DPYSL2: variants seen among roughly 807,000 people sequenced by gnomAD.
DPYSL2 encodes dihydropyrimidinase-related protein 2.
DPYSL2 carries 13 observed loss-of-function variants against 69.9 expected under a neutral mutation model. The ratio of observed to expected loss-of-function variants is 0.19; its 90% CI spans 0.12 to 0.30. DPYSL2 has a LOEUF of 0.30. DPYSL2 is among the 10% of genes least tolerant of loss of function. The pLI is 1.00. For missense variants in DPYSL2, 587 were observed against 918.9 expected (o/e 0.64, Z 4.67); for synonymous variants, 326 against 359.1 (o/e 0.91, Z 1.04).
Position 26,580,338 on chromosome 8 carries a change from A to G in DPYSL2, c.355-1631A>G, listed in dbSNP as rs1344710915. 1.3e-5 allele frequency among the ~76,000 whole-genome samples: 2 copies of G among 152,134 alleles called. No homozygotes were observed. The highest frequency in any genetic ancestry group is 4.8e-5 in the African/African-American group (2 of 41,422). Reference sequence around the variant, plus strand: ...AACCTCTCTGAGCCTCAGTTTCCTTATGTGTCATGGGAATAGAACCTGGCC... The same window carrying G: ...AACCTCTCTGAGCCTCAGTTTCCTTGTGTGTCATGGGAATAGAACCTGGCC... On this transcript the variant is annotated intron_variant, in intron 1 of 13. Coordinates refer to ENST00000521913, the MANE Select transcript of DPYSL2 (RefSeq NM_001197293.3). The surrounding 1 kb of genome is among the most constrained non-coding windows in gnomAD (Gnocchi z 4.1).
chr8:26,645,813 G>A (rs913499686), intron 10 of DPYSL2, among the ~76,000 whole-genome samples: 28 of 152,138 alleles, frequency 1.8e-4, no homozygotes, highest in African/African-American at 6.7e-4. Context: ...ACCTCCCAAA[G>A]TGCTGGCATT....
chr8:26,571,182 T>C lies in DPYSL2; in HGVS notation c.355-10787T>C, dbSNP rs886743090. ...GTCCATGTTTTCCTCCTTCTATAAATAGAGGGTGGAGTGGGCTGGATCTGT... is the reference window on the plus strand; with the variant it reads ...GTCCATGTTTTCCTCCTTCTATAAACAGAGGGTGGAGTGGGCTGGATCTGT... On this transcript the variant is annotated intron_variant, in intron 1 of 13. Transcript: ENST00000521913. This position sits in a 1 kb window ranked among gnomAD's most constrained non-coding sequence, Gnocchi z 6.1. Among the ~76,000 whole-genome samples the C allele has an allele frequency of 6.6e-6, 1 of 152,076 alleles. No homozygotes were observed. Among genetic ancestry groups the C allele is most frequent in the African/African-American group, 2.4e-5 (1 of 41,414 alleles).
chr8:26,576,501 T>C (rs557283412), intron 1 of DPYSL2, among the ~76,000 whole-genome samples: 1 of 151,846 alleles, frequency 6.6e-6, no homozygotes, highest in African/African-American at 2.4e-5. Context: ...CCCACGGGGG[T>C]TGGCCTCGGT....
chr8:26,579,960 C>T (rs1433441185), intron 1 of DPYSL2, among the ~76,000 whole-genome samples: 1 of 148,800 alleles, frequency 6.7e-6, no homozygotes, highest in African/African-American at 2.5e-5. Context: ...GAGCGCCCCC[C>T]CCCCCACACC....
chr8:26,631,239 A>G (rs1299869267), intron 7 of DPYSL2, among the ~76,000 whole-genome samples: 3 of 152,206 alleles, frequency 2.0e-5, no homozygotes, highest in Non-Finnish European at 2.9e-5. Context: ...TTATAAAGAA[A>G]AGAGATTTAA....
In DPYSL2 at chr8:26,593,825, C is replaced by A. The variant is rs1438518651; in HGVS notation, c.628+9842C>A. 6.6e-6 allele frequency among the ~76,000 whole-genome samples: 1 copy of A among 152,170 alleles called. No homozygotes were observed. The highest frequency in any genetic ancestry group is 1.9e-4 in the East Asian group (1 of 5,190). On this transcript the variant is annotated intron_variant, in intron 3 of 13. Coordinates refer to ENST00000521913, the MANE Select transcript of DPYSL2 (RefSeq NM_001197293.3). This position sits in a 1 kb window ranked among gnomAD's most constrained non-coding sequence, Gnocchi z 5.7. The stretch of plus-strand genomic sequence containing the variant: ...TGCTGGTTTCCCTGAGAAAACCCTA[C>A]TGTCTTTAGGTTGAATCTGTAGTGT...
intron 1 of DPYSL2, among the ~76,000 whole-genome samples, chr8:26,531,078 A>C (rs1454200963): frequency 1.4e-5 from 2 of 139,530 alleles, no homozygotes; most frequent in African/African-American, 2.6e-5. Context: ...AAAAAAAAAA[A>C]GGTGATGAGG....
chr8:26,540,904 C>CAAAA (rs56376341), intron 1 of DPYSL2, among the ~76,000 whole-genome samples: 3 of 102,712 alleles, frequency 2.9e-5, no homozygotes, highest in Non-Finnish European at 3.8e-5. Context: ...GACTCTGTCT[C>CAAAA]AAAAAAAAAA....
Position 26,654,046 on chromosome 8 carries a change from A to G in DPYSL2, c.1942+649A>G, listed in dbSNP as rs1803332591. 6.6e-6 allele frequency among the ~76,000 whole-genome samples: 1 copy of G among 152,188 alleles called. No homozygotes were observed. Among genetic ancestry groups the G allele is most frequent in the Non-Finnish European group, 1.5e-5 (1 of 68,036 alleles). ...CAGGACTTCTCTTCTCTCCTACAGTATATTGTAGTTTAGCTTGTGGAGTTT... is the reference window on the plus strand; with the variant it reads ...CAGGACTTCTCTTCTCTCCTACAGTGTATTGTAGTTTAGCTTGTGGAGTTT... On this transcript the variant is annotated intron_variant, in intron 13 of 13. Coordinates refer to ENST00000521913, the MANE Select transcript of DPYSL2 (RefSeq NM_001197293.3). This position sits in a 1 kb window ranked among gnomAD's most constrained non-coding sequence, Gnocchi z 5.0.
chr8:26,581,054 C>A (rs1801481692), intron 1 of DPYSL2, among the ~76,000 whole-genome samples: 1 of 152,194 alleles, frequency 6.6e-6, no homozygotes, highest in South Asian at 2.1e-4. Flanking sequence ...GATACTTATT[C>A]GTGGGAGTTT....
rs1801521099 is a variant in DPYSL2, at chr8:26,582,968, A to G, written c.444-831A>G. On this transcript the variant is annotated intron_variant, in intron 2 of 13. Transcript: ENST00000521913. The surrounding 1 kb of genome is among the most constrained non-coding windows in gnomAD (Gnocchi z 4.1). ...CATGTGTGTTTGCTGTGACAGTCTC[A>G]GCTCCAGGCTCTCAAATGCCATGAC... 6.6e-6 allele frequency among the ~76,000 whole-genome samples: 1 copy of G among 152,178 alleles called. No individual in the cohort carries two copies. The highest frequency in any genetic ancestry group is 2.1e-4 in the South Asian group (1 of 4,836).
chr8:26,585,381 T>C lies in DPYSL2; in HGVS notation c.628+1398T>C, dbSNP rs1243901293. Among the ~76,000 whole-genome samples the C allele has an allele frequency of 6.6e-6, 1 of 151,942 alleles. No individual in the cohort carries two copies. The highest frequency in any genetic ancestry group is 1.5e-5 in the Non-Finnish European group (1 of 67,978). Reference sequence around the variant, plus strand: ...GTTGCCCCGCATTTTAAATCACAACTCATCCTCTGGCGTTCTCTCTGTCCT... The same window carrying C: ...GTTGCCCCGCATTTTAAATCACAACCCATCCTCTGGCGTTCTCTCTGTCCT... On this transcript the variant is annotated intron_variant, in intron 3 of 13. Transcript: ENST00000521913. The surrounding 1 kb of genome is among the most constrained non-coding windows in gnomAD (Gnocchi z 4.0).
intron 1 of DPYSL2, among the ~76,000 whole-genome samples, chr8:26,563,420 T>C (rs1489716800): frequency 6.6e-6 from 1 of 152,228 alleles, no homozygotes; most frequent in Non-Finnish European, 1.5e-5. Context: ...AAAATTGAAT[T>C]GAAGCCCCAA....
intron 7 of DPYSL2, among the ~76,000 whole-genome samples, chr8:26,633,809 C>T (rs975331526): frequency 6.6e-6 from 1 of 152,228 alleles, no homozygotes; most frequent in South Asian, 2.1e-4. Flanking sequence ...ATTATTTACT[C>T]AAGCAGTTCT....
chr8:26,641,732 G>T lies in DPYSL2; in HGVS notation c.1127-1707G>T, dbSNP rs1439093658. 6.6e-6 allele frequency among the ~76,000 whole-genome samples: 1 copy of T among 152,206 alleles called. No homozygotes were observed. The highest frequency in any genetic ancestry group is 1.5e-5 in the Non-Finnish European group (1 of 68,044). On this transcript the variant is annotated intron_variant, in intron 8 of 13. Transcript: ENST00000521913. This position sits in a 1 kb window ranked among gnomAD's most constrained non-coding sequence, Gnocchi z 4.1. ...TCCTTGGGGCTTCCTTCTGGAGGAG[G>T]TTTCCCTGGGTTTGGAGTCCTCCCT...
intron 1 of DPYSL2, among the ~76,000 whole-genome samples, chr8:26,540,478 G>A (rs1324773230): frequency 1.3e-5 from 2 of 152,226 alleles, no homozygotes; most frequent in African/African-American, 4.8e-5. Flanking sequence ...TCCACAGATT[G>A]TTGGAGGGAA....
Position 26,560,208 on chromosome 8 carries a change from G to A in DPYSL2, c.355-21761G>A, listed in dbSNP as rs1438065347. ...CAGCTCACTCTGCCTGAACCTGGGT[G>A]GCAGGGGCTGCATGTTTAGAACTTT... On this transcript the variant is annotated intron_variant, in intron 1 of 13. Transcript: ENST00000521913. This position sits in a 1 kb window ranked among gnomAD's most constrained non-coding sequence, Gnocchi z 4.4. Among the ~76,000 whole-genome samples the A allele has an allele frequency of 6.6e-6, 1 of 152,164 alleles. No individual in the cohort carries two copies. The highest frequency in any genetic ancestry group is 1.5e-5 in the Non-Finnish European group (1 of 68,026).
rs1381685073 is a variant in DPYSL2, at chr8:26,656,792, G to A, written c.*1086G>A. 3 of 152,764 alleles carry A rather than the reference G, an allele frequency of 2.0e-5. No individual in the cohort carries two copies. The highest frequency in any genetic ancestry group is 7.2e-5 in the African/African-American group (3 of 41,450). 9.5% of individuals were successfully genotyped at this position (152,764 alleles called of 1,614,324 possible). A position where few individuals can be genotyped will look rare whatever the true frequency, so the allele number is the denominator to read the frequency against. On this transcript the variant is annotated 3_prime_UTR_variant, in exon 14 of 14. Coordinates refer to ENST00000521913, the MANE Select transcript of DPYSL2 (RefSeq NM_001197293.3). ...AATGGGCCATGCCGTCTCACCCACA[G>A]TATCACACGTGGAACCGCAGACAGG...
chr8:26,589,797 G>A (rs898027977), intron 3 of DPYSL2, among the ~76,000 whole-genome samples: 2 of 152,256 alleles, frequency 1.3e-5, no homozygotes, highest in Non-Finnish European at 2.9e-5. Context: ...GTCCTCTTGC[G>A]AGAAAGCCTG....
Sources: allele counts gnomAD v4.1 joint callset (sites outside exome capture counted in the v4.1 genomes callset), GRCh38; gene constraint gnomAD v4.1.1; non-coding constraint Gnocchi (gnomAD v3.1); transcripts MANE v1.5; gene names NCBI Gene and HGNC (gene_info 2026-07-23, HGNC 2026-07-21).